VPS13B: variants seen among roughly 807,000 people sequenced by gnomAD.
The protein encoded by VPS13B is vacuolar protein sorting 13 homolog B.
VPS13B carries 285 observed loss-of-function variants against 426.4 expected under a neutral mutation model. The observed-to-expected ratio is 0.67, with a 90% CI of 0.61 to 0.74. The LOEUF is 0.74. Among genes scored for constraint, VPS13B ranks in the 30% least tolerant of loss-of-function variants. The pLI is 0.00. For synonymous variants in VPS13B, 1,676 were observed against 1,676.4 expected (o/e 1.00, Z 0.01); for missense variants, 4,537 against 4,782.6 (o/e 0.95, Z 1.51).
intron 30 of VPS13B, among the ~76,000 whole-genome samples, chr8:99,542,080 G>C (rs1256531356): frequency 6.6e-6 from 1 of 152,082 alleles, no homozygotes; most frequent in African/African-American, 2.4e-5. Flanking sequence ...TAGTAGATAT[G>C]GGGTTTCACC....
At chr8:99,358,735 T>A (rs1490777461) in intron 19 of VPS13B, among the ~76,000 whole-genome samples, 1 of 152,154 alleles carries the variant, frequency 6.6e-6, no homozygotes, top group Non-Finnish European at 1.5e-5. Flanking sequence ...AGCACCACCT[T>A]GTGGTGTCTG....
intron 17 of VPS13B, among the ~76,000 whole-genome samples, chr8:99,261,490 C>T (rs1818035574): frequency 6.6e-6 from 1 of 152,074 alleles, no homozygotes; most frequent in African/African-American, 2.4e-5. Flanking sequence ...TGGTTGCTTT[C>T]GTGTTTTGGC....
At chr8:99,649,698 GGA>G (rs944232381) in intron 34 of VPS13B, among the ~76,000 whole-genome samples, 1 of 151,526 alleles carries the variant, frequency 6.6e-6, no homozygotes, top group Non-Finnish European at 1.5e-5. Context: ...GGCAAAGCCA[GGA>G]GAGAGAGAAA....
Position 99,027,812 on chromosome 8 carries a change from GGACAATAGTGGAGGGAA to G in VPS13B, c.148-10609_148-10593del, listed in dbSNP as rs1364201396. On this transcript the variant is annotated intron_variant, in intron 2 of 61. Transcript: ENST00000357162. ...CAGAGGGGGATTTGGCAGGGTCATAGGACAATAGTGGAGGGAAGGTCAGCAGATAAACAAGTGAACAA... is the reference window on the plus strand; with the variant it reads ...CAGAGGGGGATTTGGCAGGGTCATAGGGTCAGCAGATAAACAAGTGAACAA... Among the ~76,000 whole-genome samples the G allele has an allele frequency of 2.0e-5, 3 of 151,840 alleles. No individual in the cohort carries two copies. In the East Asian group the frequency reaches 5.8e-4, roughly 29 times the overall value.
At chr8:99,503,765 A>G (rs1278085178) in intron 27 of VPS13B, among the ~76,000 whole-genome samples, 1 of 152,138 alleles carries the variant, frequency 6.6e-6, no homozygotes, top group Non-Finnish European at 1.5e-5. Context: ...TGTTTTCACC[A>G]CATCTACCAT....
At position 99,103,053 on chromosome 8, in the gene VPS13B, C is replaced by A; in HGVS notation, c.513C>A (p.Val171=). 1.2e-6 allele frequency: 2 copies of A among 1,613,948 alleles called. No individual in the cohort carries two copies. Among genetic ancestry groups the A allele is most frequent in the Non-Finnish European group, 8.5e-7 (1 of 1,179,918 alleles). The stretch of plus-strand genomic sequence containing the variant: ...TTGAAGATGATATCGTCCTTTCCGT[C>A]AATATCACTTCTGCAGAATGTTATA... ...KYVEDDIVLS[V]NITSAECYTV... Residue 171 remains valine, a synonymous_variant, in exon 5 of 62, where the codon GTC becomes GTA. Transcript: ENST00000357162.
chr8:99,562,174 T>C (rs1824958522), intron 31 of VPS13B, among the ~76,000 whole-genome samples: 1 of 152,236 alleles, frequency 6.6e-6, no homozygotes, highest in South Asian at 2.1e-4. Context: ...TGGTTTTCAC[T>C]TACATCTCTA....
At chr8:99,202,947 T>C (rs559158235) in intron 17 of VPS13B, among the ~76,000 whole-genome samples, 2 of 151,036 alleles carry the variant, frequency 1.3e-5, no homozygotes, top group African/African-American at 4.9e-5. Context: ...GGCAGGAGAA[T>C]GGCGCGAACC....
intron 24 of VPS13B, among the ~76,000 whole-genome samples, chr8:99,471,272 A>T (rs1457443487): frequency 1.3e-5 from 2 of 152,126 alleles, no homozygotes; most frequent in African/African-American, 4.8e-5. Context: ...CTACTTAAAA[A>T]TATGTGTGAC....
chr8:99,817,729 G>T lies in VPS13B; in HGVS notation c.8287G>T (p.Ala2763Ser). 6.2e-7 allele frequency: 1 copy of T among 1,614,122 alleles called. No individual in the cohort carries two copies. Among genetic ancestry groups the T allele is most frequent in the Non-Finnish European group, 8.5e-7 (1 of 1,180,006 alleles). Residue 2763 changes from alanine (A) to serine (S), a missense_variant, in exon 45 of 62, where the codon GCC becomes TCC. By Grantham distance (99) the Ala-to-Ser change is moderately conservative. Coordinates refer to ENST00000357162, the MANE Select transcript of VPS13B (RefSeq NM_152564.5). Reference sequence around the variant, plus strand: ...TGAACTGACGGAGCTGTGTGTGAAGGCCAAAGGAGATGAAGACTGGTCAAG... The same window carrying T: ...TGAACTGACGGAGCTGTGTGTGAAGTCCAAAGGAGATGAAGACTGGTCAAG... ...NNELTELCVK[A>S]KGDEDWSRDV... is the part of the protein sequence containing the mutation.
chr8:99,552,934 A>G lies in VPS13B; in HGVS notation c.4746-3516A>G, dbSNP rs143074905. Among the ~76,000 whole-genome samples, 62 of 152,252 alleles carry G rather than the reference A, an allele frequency of 4.1e-4. 1 individual carries two copies. The East Asian group carries it at 8.9e-3, about 22-fold the overall frequency. ...TCACATGTAGATTCATGTAACCACC[A>G]TCACAATCAAGATACAGAACTGTCC... On this transcript the variant is annotated intron_variant, in intron 30 of 61. Coordinates refer to ENST00000357162, the MANE Select transcript of VPS13B (RefSeq NM_152564.5).
intron 17 of VPS13B, chr8:99,234,314 A>T (rs1458577322): frequency 4.0e-6 from 3 of 756,422 alleles, no homozygotes; most frequent in Non-Finnish European, 7.4e-6. Context: ...CACATTCTCC[A>T]CTATCCCGTG....
chr8:99,083,690 C>T (rs1435507430), intron 3 of VPS13B, among the ~76,000 whole-genome samples: 1 of 129,750 alleles, frequency 7.7e-6, no homozygotes, highest in Non-Finnish European at 1.6e-5. Flanking sequence ...TTGTCAAAGG[C>T]CTTTTCTGCA....
chr8:99,287,340 TATG>T (rs1212383965), intron 19 of VPS13B, among the ~76,000 whole-genome samples: 1 of 152,036 alleles, frequency 6.6e-6, no homozygotes, highest in Non-Finnish European at 1.5e-5. Flanking sequence ...TATGATGAGT[TATG>T]ATATGATCTA....
Position 99,639,333 on chromosome 8 carries a change from C to A in VPS13B, c.5221-2478C>A, listed in dbSNP as rs189166527. Reference sequence around the variant, plus strand: ...GAAGGAAAAGAGTGAGAGAACAGTTCTTGGACAAATGTCACTTATCTTGAT... The same window carrying A: ...GAAGGAAAAGAGTGAGAGAACAGTTATTGGACAAATGTCACTTATCTTGAT... On this transcript the variant is annotated intron_variant, in intron 33 of 61. Coordinates refer to ENST00000357162, the MANE Select transcript of VPS13B (RefSeq NM_152564.5). Among the ~76,000 whole-genome samples the A allele has an allele frequency of 2.3e-3, 353 of 152,200 alleles. 1 individual carries two copies. Among genetic ancestry groups the A allele is most frequent in the African/African-American group, 8.2e-3 (341 of 41,530 alleles).
chr8:99,855,856 C>G (rs1816519046), intron 56 of VPS13B, among the ~76,000 whole-genome samples: 1 of 152,168 alleles, frequency 6.6e-6, no homozygotes, highest in Non-Finnish European at 1.5e-5. Context: ...TTCCCTATTG[C>G]TAAAAACTCA....
chr8:99,116,547 C>T (rs1032735319), intron 7 of VPS13B, among the ~76,000 whole-genome samples: 6 of 152,096 alleles, frequency 3.9e-5, no homozygotes, highest in Non-Finnish European at 7.4e-5. Flanking sequence ...GATCCTTCTA[C>T]CCCAGCCTTC....
intron 30 of VPS13B, among the ~76,000 whole-genome samples, chr8:99,530,836 G>C (rs1274662719): frequency 6.6e-6 from 1 of 151,946 alleles, no homozygotes; most frequent in African/African-American, 2.4e-5. Flanking sequence ...CTTCTCCTAG[G>C]CCACACGTAA....
intron 29 of VPS13B, among the ~76,000 whole-genome samples, chr8:99,512,453 A>G (rs1452548438): frequency 6.6e-6 from 1 of 152,232 alleles, no homozygotes; most frequent in African/African-American, 2.4e-5. Context: ...TGTAATTTAC[A>G]TTAAGTTTAC....
Sources: allele counts gnomAD v4.1 joint callset (sites outside exome capture counted in the v4.1 genomes callset), GRCh38; gene constraint gnomAD v4.1.1; transcripts MANE v1.5; gene names NCBI Gene and HGNC (gene_info 2026-07-23, HGNC 2026-07-21).